NAA11: variants seen among roughly 807,000 people sequenced by gnomAD.
NAA11 encodes N-alpha-acetyltransferase 11.
A neutral mutation model predicts 16.1 loss-of-function variants in NAA11; 15 were observed. The observed-to-expected ratio is 0.93, with a 90% confidence interval of 0.62 to 1.44. The LOEUF (loss-of-function observed/expected upper bound fraction) is 1.44. Among genes scored for constraint, NAA11 ranks in the 40% most tolerant of loss-of-function variants. NAA11 has a pLI of 0.00. For synonymous variants in NAA11, 122 were observed against 112.4 expected, an observed-to-expected ratio of 1.09 and a Z score of -0.54; for missense variants, 298 against 291.3, an observed-to-expected ratio of 1.02 and a Z score of -0.17.
intron 2 of NAA11, among the ~76,000 whole-genome samples, chr4:79,271,628 G>A (rs75028693): frequency 6.6e-5 from 10 of 152,076 alleles, no homozygotes; most frequent in African/African-American, 1.7e-4. Context: ...GCACCCTAAC[G>A]TTATTAAGAA....
chr4:79,224,327 A>G (rs1721264155), downstream of NAA11, among the ~76,000 whole-genome samples: 1 of 152,168 alleles, frequency 6.6e-6, no homozygotes, highest in South Asian at 2.1e-4. Flanking sequence ...AATCTTCAGT[A>G]TAAACAACAT....
At chr4:79,323,226 C>A (rs1017109115) in intron 1 of NAA11, among the ~76,000 whole-genome samples, 2 of 152,136 alleles carry the variant, frequency 1.3e-5, no homozygotes. Flanking sequence ...GATGTTAAAG[C>A]CTGTAAACTG....
chr4:79,254,399 AAGAG>A (rs1158257158), intron 2 of NAA11, among the ~76,000 whole-genome samples: 1 of 152,194 alleles, frequency 6.6e-6, no homozygotes, highest in African/African-American at 2.4e-5. Flanking sequence ...CCTTGGCACT[AAGAG>A]AGAAAATTAA....
chr4:79,155,628 A>G, the NAA11 span, among the ~76,000 whole-genome samples: 8 of 152,230 alleles, frequency 5.3e-5, no homozygotes, highest in Non-Finnish European at 4.4e-5. Context: ...TGGAAGTACA[A>G]ATGAGCTGTG....
chr4:79,228,781 A>AT (rs1721387363), intron 2 of NAA11, among the ~76,000 whole-genome samples: 1 of 152,016 alleles, frequency 6.6e-6, no homozygotes, highest in Non-Finnish European at 1.5e-5. Context: ...TTCATGTACC[A>AT]TTTTTTGTAT....
At chr4:79,185,886 C>A in the NAA11 span, among the ~76,000 whole-genome samples, 4 of 151,338 alleles carry the variant, frequency 2.6e-5, no homozygotes, top group African/African-American at 4.9e-5. Context: ...AAAAAAAAAA[C>A]TTCATTTATG....
At chr4:79,323,797 G>A (rs558854823) in intron 1 of NAA11, among the ~76,000 whole-genome samples, 67 of 151,716 alleles carry the variant, frequency 4.4e-4, no homozygotes, top group African/African-American at 1.5e-3. Flanking sequence ...CTCCAGCCTC[G>A]GCGACAGAGC....
chr4:79,239,912 T>C (rs1248828673), intron 2 of NAA11, among the ~76,000 whole-genome samples: 1 of 152,152 alleles, frequency 6.6e-6, no homozygotes, highest in African/African-American at 2.4e-5. Context: ...ATGTCAGTGA[T>C]GGAGGTGTGC....
intron 2 of NAA11, among the ~76,000 whole-genome samples, chr4:79,237,555 G>A (rs542400786): frequency 6.6e-6 from 1 of 152,232 alleles, no homozygotes; most frequent in Non-Finnish European, 1.5e-5. Flanking sequence ...TTCAAACACT[G>A]ACACCTATCA....
At position 79,259,002 on chromosome 4, in the gene NAA11, C is replaced by T. The variant is rs559991594; in HGVS notation, c.*123-32732G>A. ...TCCAGGGCCTCCTCTTTGATGAGAG[C>T]TGCAGAGACAGTGGGACAACCTGTC... is the stretch of plus-strand genomic sequence containing the variant. On this transcript the variant is annotated intron_variant and NMD_transcript_variant, in intron 2 of 2. Transcript: ENST00000511542. 8 of 186,604 alleles carry T rather than the reference C, an allele frequency of 4.3e-5. No individual in the cohort carries two copies. The East Asian group carries it at 1.3e-3, about 31-fold the overall frequency. The allele number at this position is 186,604 out of a possible 1,614,324, so 11.6% of individuals were successfully genotyped here.
chr4:79,219,518 T>G, the NAA11 span, among the ~76,000 whole-genome samples: 1 of 152,184 alleles, frequency 6.6e-6, no homozygotes, highest in South Asian at 2.1e-4. Flanking sequence ...GATTCTAGAA[T>G]CGAAGGACTA....
intron 2 of NAA11, among the ~76,000 whole-genome samples, chr4:79,262,601 T>C (rs1578168270): frequency 6.6e-6 from 1 of 152,276 alleles, no homozygotes; most frequent in East Asian, 1.9e-4. Flanking sequence ...CTGCATTCTT[T>C]CTTTGCATGA....
At chr4:79,181,134 C>T in the NAA11 span, among the ~76,000 whole-genome samples, 4 of 151,136 alleles carry the variant, frequency 2.6e-5, no homozygotes, top group South Asian at 2.1e-4. Flanking sequence ...ATGTAAATGA[C>T]GAGTTAATGG....
chr4:79,205,609 A>C, the NAA11 span, among the ~76,000 whole-genome samples: 1 of 151,916 alleles, frequency 6.6e-6, no homozygotes, highest in South Asian at 2.1e-4. Context: ...GAAGCTTTTT[A>C]GTTTGATTAA....
At chr4:79,290,104 G>A (rs1723045918) in intron 2 of NAA11, among the ~76,000 whole-genome samples, 1 of 152,098 alleles carries the variant, frequency 6.6e-6, no homozygotes, top group South Asian at 2.1e-4. Context: ...AAGAAGCAAA[G>A]GGCCAGGAAA....
chr4:79,246,111 A>C lies in NAA11; in HGVS notation c.*123-19841T>G, dbSNP rs1721816389. Among the ~76,000 whole-genome samples, 3 of 152,254 alleles carry C rather than the reference A, an allele frequency of 2.0e-5. 1 individual carries two copies. The highest frequency in any genetic ancestry group is 4.2e-4 in the South Asian group (2 of 4,812). ...TGCTCTCTGCAACTGTGCTGTGTCA[A>C]CTCAGGGTTAAATGGATTAAGGGCA... On this transcript the variant is annotated intron_variant and NMD_transcript_variant, in intron 2 of 2. Transcript: ENST00000511542.
chr4:79,311,688 ATAC>A (rs756131104), downstream of NAA11, among the ~76,000 whole-genome samples: 41 of 152,186 alleles, frequency 2.7e-4, no homozygotes, highest in Non-Finnish European at 5.6e-4. Flanking sequence ...AACCTCTGTG[ATAC>A]TACTACCTAT....
chr4:79,167,163 G>GATATATATATATATAT, the NAA11 span, among the ~76,000 whole-genome samples: 3 of 22,058 alleles, frequency 1.4e-4, no homozygotes, highest in African/African-American at 1.3e-4. Context: ...TATGTATATG[G>GATATATATATATATAT]AGAGAGAGAA....
chr4:79,188,520 G>C, the NAA11 span, among the ~76,000 whole-genome samples: 1 of 151,792 alleles, frequency 6.6e-6, no homozygotes, highest in Non-Finnish European at 1.5e-5. Flanking sequence ...GAGGGGCGGA[G>C]CTTGCAGTGA....
Sources: gnomAD v4.1 joint callset for allele counts (sites outside exome capture counted in the v4.1 genomes callset) on GRCh38, gnomAD v4.1.1 for gene constraint, MANE v1.5 for transcripts, NCBI Gene and HGNC (gene_info 2026-07-23, HGNC 2026-07-21) for gene names.